DLGAP4: variants seen among roughly 807,000 people sequenced by gnomAD.
DLGAP4 encodes DLG associated protein 4, also known as disks large-associated protein 4.
In DLGAP4, 18 loss-of-function variants were observed where a neutral mutation model predicts 86.9. The ratio of observed to expected loss-of-function variants is 0.21; its 90% CI spans 0.14 to 0.31. DLGAP4 has a LOEUF of 0.31. Ranked by LOEUF, DLGAP4 falls within the 10% of genes least tolerant of loss-of-function variation. The pLI is 1.00. For synonymous variants in DLGAP4, 548 were observed against 574.3 expected, an observed-to-expected ratio of 0.95 and a Z score of 0.65; for missense variants, 1,085 against 1,362.6, an observed-to-expected ratio of 0.80 and a Z score of 3.21.
chr20:36,425,082 A>G (rs2032938732), intron 2 of DLGAP4, among the ~76,000 whole-genome samples: 1 of 152,134 alleles, frequency 6.6e-6, no homozygotes, highest in African/African-American at 2.4e-5. Flanking sequence ...ATGGGGAAGG[A>G]AAGAGCGAGT....
chr20:36,474,078 GCA>G (rs1432952944), intron 7 of DLGAP4, among the ~76,000 whole-genome samples: 2 of 152,248 alleles, frequency 1.3e-5, no homozygotes, highest in Admixed American at 1.3e-4. Context: ...CTTGTGCAAA[GCA>G]CTAAGCACAG....
chr20:36,465,043 A>G (rs1188609378), intron 7 of DLGAP4, among the ~76,000 whole-genome samples: 2 of 152,092 alleles, frequency 1.3e-5, no homozygotes, highest in Non-Finnish European at 2.9e-5. Context: ...AAATGAGATT[A>G]TGTATTTTTT....
intron 10 of DLGAP4, among the ~76,000 whole-genome samples, chr20:36,509,666 C>G (rs1331373769): frequency 1.3e-5 from 2 of 152,038 alleles, no homozygotes; most frequent in African/African-American, 4.8e-5. Context: ...GAGAGGATTG[C>G]TCGAGTGTGG....
chr20:36,372,774 A>G (rs891673447), intron 2 of DLGAP4, among the ~76,000 whole-genome samples: 1 of 152,224 alleles, frequency 6.6e-6, no homozygotes, highest in African/African-American at 2.4e-5. Context: ...AGAGTTGGTT[A>G]AATAACTTAC....
chr20:36,448,002 C>T (rs1445688275), intron 7 of DLGAP4, among the ~76,000 whole-genome samples: 1 of 148,722 alleles, frequency 6.7e-6, no homozygotes, highest in Non-Finnish European at 1.5e-5. Context: ...AGCAAACCAC[C>T]GTGGCGCATG....
chr20:36,483,413 A>G lies in DLGAP4; in HGVS notation c.1649-13292A>G, dbSNP rs149039222. ...GGAAACCAGGAACATTCCCACACTC[A>G]TAGCCCCAGGCAAGGGTCCCTGCTC... On this transcript the variant is annotated intron_variant, in intron 7 of 12. Coordinates refer to ENST00000339266, the MANE Select transcript of DLGAP4 (RefSeq NM_001365621.2). Among the ~76,000 whole-genome samples the G allele has an allele frequency of 9.8e-5, 15 of 152,310 alleles. 1 individual carries two copies. The highest frequency in any genetic ancestry group is 3.4e-4 in the African/African-American group (14 of 41,566).
At chr20:36,403,488 A>G (rs1331776026) in intron 2 of DLGAP4, among the ~76,000 whole-genome samples, 1 of 152,232 alleles carries the variant, frequency 6.6e-6, no homozygotes, top group African/African-American at 2.4e-5. Flanking sequence ...AGCTTGTGTT[A>G]CCTATAATCC....
intron 10 of DLGAP4, chr20:36,508,773 C>T (rs1012739053): frequency 6.6e-6 from 1 of 152,232 alleles, no homozygotes; most frequent in African/African-American, 2.4e-5. Context: ...GTGCATGTCT[C>T]TCTGCCATGA....
At chr20:36,462,772 G>A (rs539984877) in intron 7 of DLGAP4, among the ~76,000 whole-genome samples, 78 of 152,326 alleles carry the variant, frequency 5.1e-4, no homozygotes, top group African/African-American at 1.9e-3. Context: ...AGGAGGGAGT[G>A]GGGGGCCTTC....
intron 1 of DLGAP4, among the ~76,000 whole-genome samples, chr20:36,337,745 T>C (rs868944825): frequency 6.2e-4 from 95 of 152,328 alleles, no homozygotes; most frequent in African/African-American, 2.2e-3. Context: ...CTGCAGCCCA[T>C]GGCATTGTGC....
At chr20:36,346,942 G>A (rs142927474) in intron 1 of DLGAP4, among the ~76,000 whole-genome samples, 5 of 152,306 alleles carry the variant, frequency 3.3e-5, no homozygotes, top group African/African-American at 9.6e-5. Context: ...CAGAGACTTC[G>A]GTGGTGGAAA....
rs1173429170 is a variant in DLGAP4, at chr20:36,446,734, C to T, written c.1445C>T (p.Ala482Val). 1.2e-6 allele frequency: 2 copies of T among 1,611,574 alleles called. No homozygotes were observed. Among genetic ancestry groups the T allele is most frequent in the Non-Finnish European group, 1.7e-6 (2 of 1,178,690 alleles). The change falls in exon 7 of 13, where the codon GCC becomes GTC. Residue 482 changes from alanine (A) to valine (V), a missense_variant. Coordinates refer to ENST00000339266, the MANE Select transcript of DLGAP4 (RefSeq NM_001365621.2). ...GAGCTGAGTGACCAGTATGAGGCGG[C>T]CTGCGAGTCAGCCTGCAGTGAAGCG... ...EAELSDQYEA[A>V]CESACSEAES...
At chr20:36,483,639 C>T (rs1426925565) in intron 7 of DLGAP4, among the ~76,000 whole-genome samples, 1 of 152,212 alleles carries the variant, frequency 6.6e-6, no homozygotes, top group African/African-American at 2.4e-5. Flanking sequence ...TGGGAATCCC[C>T]AGAACCAGAC....
chr20:36,446,613 C>G, intron 6 of DLGAP4, 84 bp from the exon 7 acceptor site: 1 of 1,366,842 alleles, frequency 7.3e-7, no homozygotes, highest in Non-Finnish European at 1.0e-6. Context: ...CTGTCCAGCC[C>G]TGCCCTGAGC....
intron 7 of DLGAP4, among the ~76,000 whole-genome samples, chr20:36,455,149 T>A (rs889161676): frequency 6.6e-6 from 1 of 151,342 alleles, no homozygotes; most frequent in Admixed American, 6.6e-5. Flanking sequence ...TCCCTCCTCC[T>A]CCCTCCCTCC....
At chr20:36,370,966 C>G (rs920620690) in intron 2 of DLGAP4, among the ~76,000 whole-genome samples, 1 of 152,224 alleles carries the variant, frequency 6.6e-6, no homozygotes, top group Non-Finnish European at 1.5e-5. Context: ...CATTTGTTCC[C>G]TTCTTTAATC....
intron 7 of DLGAP4, chr20:36,462,130 T>G: frequency 9.9e-7 from 1 of 1,012,474 alleles, no homozygotes; most frequent in Non-Finnish European, 1.2e-6. Flanking sequence ...GCCCCTGGGC[T>G]TTCCCTCTTC....
intron 2 of DLGAP4, among the ~76,000 whole-genome samples, chr20:36,426,336 G>A (rs1254307453): frequency 1.3e-5 from 2 of 152,146 alleles, no homozygotes; most frequent in East Asian, 3.9e-4. Flanking sequence ...CCAACATGGT[G>A]AAACCCGTTC....
At chr20:36,478,196 C>T (rs2147695530) in intron 7 of DLGAP4, among the ~76,000 whole-genome samples, 1 of 152,308 alleles carries the variant, frequency 6.6e-6, no homozygotes, top group East Asian at 1.9e-4. Flanking sequence ...ACCCCTCCTA[C>T]TGGACCCATG....
Sources: gnomAD v4.1 joint callset for allele counts (sites outside exome capture counted in the v4.1 genomes callset) on GRCh38, gnomAD v4.1.1 for gene constraint, MANE v1.5 for transcripts, NCBI Gene and HGNC (gene_info 2026-07-23, HGNC 2026-07-21) for gene names.